The following NCALD variants were observed in gnomAD, a reference collection of about 807,000 sequenced individuals.
NCALD encodes neurocalcin delta.
NCALD carries 10 observed loss-of-function variants against 18.6 expected under a neutral mutation model. The ratio of observed to expected loss-of-function variants is 0.54; its 90% CI spans 0.33 to 0.91. The LOEUF (loss-of-function observed/expected upper bound fraction) is 0.91, where lower values mean the gene tolerates loss of function less well. NCALD is among the 40% of genes least tolerant of loss of function. The pLI, the probability that NCALD is intolerant of heterozygous loss-of-function variation, is 0.03. For missense variants in NCALD, 184 were observed against 247.6 expected (o/e 0.74, Z 1.72); for synonymous variants, 88 against 87.4 (o/e 1.01, Z -0.04).
chr8:102,043,697 G>A (rs1823135920), intron 1 of NCALD, among the ~76,000 whole-genome samples: 1 of 147,882 alleles, frequency 6.8e-6, no homozygotes, highest in Non-Finnish European at 1.5e-5. Flanking sequence ...AGGAGGAGGA[G>A]GAAGAGAAGG....
At chr8:101,691,262 C>T (rs1167544635) in intron 3 of NCALD, 2 of 985,274 alleles carry the variant, frequency 2.0e-6, no homozygotes, top group African/African-American at 3.5e-5. Context: ...CCCCCTCTCC[C>T]AACCCTAACC....
At chr8:101,895,353 G>A (rs978641766) in intron 3 of NCALD, among the ~76,000 whole-genome samples, 1 of 140,656 alleles carries the variant, frequency 7.1e-6, no homozygotes, top group Non-Finnish European at 1.5e-5. Context: ...AGGTATTGAT[G>A]GGACATATTT....
In NCALD at chr8:102,037,644, AT is replaced by A. The variant is rs544397089; in HGVS notation, c.-209-17356del. Among the ~76,000 whole-genome samples, 263 of 144,666 alleles carry A rather than the reference AT, an allele frequency of 1.8e-3. 2 individuals are homozygous for A. Among genetic ancestry groups the A allele is most frequent in the South Asian group, 4.0e-3 (18 of 4,466 alleles). 94.9% of individuals were successfully genotyped at this position (144,666 alleles called of 152,430 possible). ...TTTTCTCCTTTCTTCTAATTTTCCA[AT>A]TTTTTTTTTGATTAACATATATTAC... On this transcript the variant is annotated intron_variant, in intron 1 of 6. Coordinates refer to the NCALD transcript ENST00000311028.
At chr8:101,907,497 AAAT>A (rs1817649531) in intron 3 of NCALD, among the ~76,000 whole-genome samples, 1 of 150,722 alleles carries the variant, frequency 6.6e-6, no homozygotes, top group South Asian at 2.1e-4. Flanking sequence ...TTATTTTATT[AAAT>A]AATTTAATAA....
At chr8:102,087,319 A>C (rs2132356910) in intron 1 of NCALD, among the ~76,000 whole-genome samples, 1 of 152,120 alleles carries the variant, frequency 6.6e-6, no homozygotes, top group Admixed American at 6.5e-5. Context: ...GTCTGGTAAC[A>C]TCTTTCTGGC....
intron 1 of NCALD, among the ~76,000 whole-genome samples, chr8:101,775,460 C>A (rs1811754329): frequency 6.6e-6 from 1 of 152,286 alleles, no homozygotes; most frequent in East Asian, 1.9e-4. Flanking sequence ...GAGGCAGATC[C>A]CAAGCCCCAC....
intron 1 of NCALD, among the ~76,000 whole-genome samples, chr8:102,021,534 A>T (rs1822273022): frequency 6.6e-6 from 1 of 152,220 alleles, no homozygotes; most frequent in Non-Finnish European, 1.5e-5. Flanking sequence ...AAATTGGCTT[A>T]CGTATTCACA....
At chr8:101,740,029 A>T (rs1810118427) in intron 1 of NCALD, among the ~76,000 whole-genome samples, 2 of 152,248 alleles carry the variant, frequency 1.3e-5, no homozygotes, top group Non-Finnish European at 2.9e-5. Context: ...AGCAAGTAAC[A>T]GTTGCTTAAT....
chr8:102,083,567 T>C (rs1824630505), intron 1 of NCALD, among the ~76,000 whole-genome samples: 1 of 152,160 alleles, frequency 6.6e-6, no homozygotes, highest in Non-Finnish European at 1.5e-5. Flanking sequence ...ATTATCAAAG[T>C]CAAAAAGCAC....
chr8:101,877,764 G>GATTAA (rs1393479864), intron 4 of NCALD, among the ~76,000 whole-genome samples: 1 of 152,082 alleles, frequency 6.6e-6, no homozygotes, highest in Non-Finnish European at 1.5e-5. Flanking sequence ...TTACTGCAAT[G>GATTAA]ATTAAATAAG....
intron 4 of NCALD, among the ~76,000 whole-genome samples, chr8:101,823,655 C>T (rs928527550): frequency 1.3e-5 from 2 of 152,112 alleles, no homozygotes; most frequent in Non-Finnish European, 2.9e-5. Flanking sequence ...CATTACAGGT[C>T]TGATGAGCTC....
At chr8:102,098,418 A>G (rs1344191524) in intron 1 of NCALD, among the ~76,000 whole-genome samples, 1 of 152,136 alleles carries the variant, frequency 6.6e-6, no homozygotes, top group Non-Finnish European at 1.5e-5. Flanking sequence ...TCCTTTCTCA[A>G]GGAACTCTTC....
chr8:102,047,699 T>C (rs921873519), intron 1 of NCALD, among the ~76,000 whole-genome samples: 3 of 152,210 alleles, frequency 2.0e-5, no homozygotes, highest in African/African-American at 7.2e-5. Context: ...AGCATTAGCC[T>C]AAGCCTTTTT....
intron 2 of NCALD, among the ~76,000 whole-genome samples, chr8:101,710,978 T>A (rs1815761310): frequency 6.6e-6 from 1 of 152,132 alleles, no homozygotes; most frequent in Non-Finnish European, 1.5e-5. Context: ...AGGAGATGCC[T>A]CCCAGCAGGG....
At chr8:102,043,329 T>G (rs1416375273) in intron 1 of NCALD, among the ~76,000 whole-genome samples, 1 of 151,928 alleles carries the variant, frequency 6.6e-6, no homozygotes, top group Admixed American at 6.6e-5. Flanking sequence ...TTTAGTTTTT[T>G]GTTTTGTTTT....
chr8:102,047,139 C>T (rs1403500629), intron 1 of NCALD, among the ~76,000 whole-genome samples: 1 of 145,544 alleles, frequency 6.9e-6, no homozygotes, highest in Non-Finnish European at 1.6e-5. Flanking sequence ...CTGCAAAAGA[C>T]ATGATCTCGT....
At chr8:101,994,804 C>G (rs747723422) in intron 2 of NCALD, among the ~76,000 whole-genome samples, 2 of 152,218 alleles carry the variant, frequency 1.3e-5, no homozygotes, top group Non-Finnish European at 1.5e-5. Context: ...ATATAAAGCA[C>G]CTAGAACAAT....
intron 2 of NCALD, among the ~76,000 whole-genome samples, chr8:102,017,716 C>T (rs1822137269): frequency 6.6e-6 from 1 of 152,106 alleles, no homozygotes; most frequent in South Asian, 2.1e-4. Context: ...CAAAACAAAA[C>T]AAAGTACTCT....
At chr8:102,104,422 T>C (rs904453525) in intron 1 of NCALD, among the ~76,000 whole-genome samples, 3 of 152,112 alleles carry the variant, frequency 2.0e-5, no homozygotes, top group African/African-American at 7.2e-5. Flanking sequence ...AAAACCATCC[T>C]GTGATTGTTT....
Sources: gnomAD v4.1 joint callset for allele counts (sites outside exome capture counted in the v4.1 genomes callset) on GRCh38, gnomAD v4.1.1 for gene constraint, MANE v1.5 for transcripts, NCBI Gene and HGNC (gene_info 2026-07-23, HGNC 2026-07-21) for gene names.